Variants in PCDH15 observed in about 807,000 individuals in gnomAD.
PCDH15 encodes protocadherin related 15, also known as protocadherin-15.
Under a neutral mutation model 178.5 loss-of-function variants are expected in PCDH15, and 129 were observed. That is an observed-to-expected ratio of 0.72 (90% confidence interval 0.63 to 0.84). The LOEUF (loss-of-function observed/expected upper bound fraction) is 0.84, where lower values mean the gene tolerates loss of function less well. Among genes scored for constraint, PCDH15 ranks in the 40% least tolerant of loss-of-function variants. The pLI, the probability that PCDH15 is intolerant of heterozygous loss-of-function variation, is 0.00. For synonymous variants in PCDH15, 800 were observed against 732.0 expected, an observed-to-expected ratio of 1.09 and a Z score of -1.50; for missense variants, 2,230 against 2,099.9, an observed-to-expected ratio of 1.06 and a Z score of -1.21.
intron 2 of PCDH15, among the ~76,000 whole-genome samples, chr10:54,584,895 A>G (rs939562005): frequency 1.3e-5 from 2 of 152,120 alleles, no homozygotes; most frequent in African/African-American, 2.4e-5. Flanking sequence ...CAATTAATAA[A>G]ACAAAACAAG....
intron 12 of PCDH15, among the ~76,000 whole-genome samples, chr10:54,184,214 C>A (rs984910028): frequency 6.6e-6 from 1 of 152,106 alleles, no homozygotes; most frequent in African/African-American, 2.4e-5. Flanking sequence ...TTGTCTAAAT[C>A]CACTTTGTAT....
chr10:54,038,774 T>G (rs1052183759), intron 18 of PCDH15, among the ~76,000 whole-genome samples: 3 of 151,974 alleles, frequency 2.0e-5, no homozygotes, highest in African/African-American at 7.2e-5. Context: ...CAAGCCTCTA[T>G]CTTGGATTGG....
At chr10:55,478,909 G>A (rs1040024483) in intron 2 of PCDH15, among the ~76,000 whole-genome samples, 1 of 145,540 alleles carries the variant, frequency 6.9e-6, no homozygotes, top group Admixed American at 6.9e-5. Flanking sequence ...TTAGACACAT[G>A]TAATCTACCA....
chr10:55,282,064 T>C (rs1047266792), intron 1 of PCDH15, among the ~76,000 whole-genome samples: 1 of 152,142 alleles, frequency 6.6e-6, no homozygotes, highest in Non-Finnish European at 1.5e-5. Flanking sequence ...GAAAGAGCAA[T>C]GTTTTAAAAA....
chr10:54,465,002 C>T (rs2077423076), intron 3 of PCDH15, among the ~76,000 whole-genome samples: 1 of 152,078 alleles, frequency 6.6e-6, no homozygotes, highest in Non-Finnish European at 1.5e-5. Context: ...GTTTTCTTGC[C>T]TCTGTACTTC....
chr10:54,961,941 T>A (rs902852879), intron 2 of PCDH15, among the ~76,000 whole-genome samples: 7 of 152,202 alleles, frequency 4.6e-5, no homozygotes, highest in Non-Finnish European at 7.3e-5. Context: ...TTGGGTCTCC[T>A]CTACACTCAT....
intron 2 of PCDH15, among the ~76,000 whole-genome samples, chr10:55,600,882 T>A (rs7902977): frequency 0.76 from 114,171 of 150,624 alleles, 44,257 homozygotes; most frequent in East Asian, 0.99. Flanking sequence ...TAAATTAATT[T>A]ATTTATTTAT....
chr10:53,909,721 C>CA (rs950920309), intron 25 of PCDH15, among the ~76,000 whole-genome samples: 12 of 152,130 alleles, frequency 7.9e-5, no homozygotes, highest in Non-Finnish European at 5.9e-5. Flanking sequence ...ACCCAGGAAG[C>CA]AAAAGGGGTT....
chr10:55,432,035 A>G (rs1239175554), intron 2 of PCDH15, among the ~76,000 whole-genome samples: 2 of 151,896 alleles, frequency 1.3e-5, no homozygotes, highest in Non-Finnish European at 2.9e-5. Flanking sequence ...GTACTATAAA[A>G]AAATAAAGAA....
chr10:53,879,943 C>T (rs569257335), intron 26 of PCDH15, among the ~76,000 whole-genome samples: 40 of 152,300 alleles, frequency 2.6e-4, no homozygotes, highest in Admixed American at 3.3e-4. Context: ...TGAGCCATCG[C>T]GGCTAGCCGT....
chr10:54,272,084 G>GA (rs2058086938), intron 8 of PCDH15, among the ~76,000 whole-genome samples: 3 of 144,424 alleles, frequency 2.1e-5, no homozygotes, highest in Admixed American at 2.1e-4. Context: ...GTAACACTCA[G>GA]AAAATCATAC....
chr10:54,577,724 G>C (rs1020094375), intron 2 of PCDH15, among the ~76,000 whole-genome samples: 1 of 151,862 alleles, frequency 6.6e-6, no homozygotes, highest in African/African-American at 2.4e-5. Context: ...CTTACCCAGT[G>C]TGCCCACTAA....
At chr10:54,999,725 C>T (rs983664703) in intron 2 of PCDH15, among the ~76,000 whole-genome samples, 21 of 152,136 alleles carry the variant, frequency 1.4e-4, no homozygotes, top group African/African-American at 3.1e-4. Flanking sequence ...AGCCAGATAT[C>T]GGGCGAAATT....
At chr10:54,632,706 T>C (rs1348500066) in intron 2 of PCDH15, among the ~76,000 whole-genome samples, 1 of 152,058 alleles carries the variant, frequency 6.6e-6, no homozygotes, top group Non-Finnish European at 1.5e-5. Flanking sequence ...CTGAAGAAGA[T>C]CATAAAACAT....
chr10:55,183,226 T>C (rs796581356), intron 1 of PCDH15, among the ~76,000 whole-genome samples: 1 of 152,032 alleles, frequency 6.6e-6, no homozygotes, highest in African/African-American at 2.4e-5. Context: ...TTTGTCCTTA[T>C]GAATGTCTCA....
chr10:55,224,290 T>C (rs1489100482), intron 1 of PCDH15, among the ~76,000 whole-genome samples: 2 of 152,122 alleles, frequency 1.3e-5, no homozygotes, highest in Non-Finnish European at 2.9e-5. Flanking sequence ...TCTATATCCT[T>C]TGCAATGTGA....
intron 2 of PCDH15, among the ~76,000 whole-genome samples, chr10:54,910,038 A>G (rs1804382207): frequency 6.6e-6 from 1 of 152,098 alleles, no homozygotes; most frequent in South Asian, 2.1e-4. Context: ...GGCCATGGCA[A>G]AGACCCCAGG....
At chr10:54,268,071 A>C (rs938110872) in intron 8 of PCDH15, among the ~76,000 whole-genome samples, 1 of 152,022 alleles carries the variant, frequency 6.6e-6, no homozygotes, top group Non-Finnish European at 1.5e-5. Context: ...GTATGGGTAC[A>C]AAAATAGACA....
At chr10:54,345,130 T>A (rs1943030558) in intron 6 of PCDH15, among the ~76,000 whole-genome samples, 1 of 151,838 alleles carries the variant, frequency 6.6e-6, no homozygotes, top group Non-Finnish European at 1.5e-5. Context: ...TCACTTCACT[T>A]ACGAGTTTTC....
Sources: allele counts gnomAD v4.1 joint callset (sites outside exome capture counted in the v4.1 genomes callset), GRCh38; gene constraint gnomAD v4.1.1; transcripts MANE v1.5; gene names NCBI Gene and HGNC (gene_info 2026-07-23, HGNC 2026-07-21).